The following TRIO variants were observed in gnomAD, a reference collection of about 807,000 sequenced individuals.
TRIO encodes triple functional domain protein.
A neutral mutation model predicts 351.9 loss-of-function variants in TRIO; 58 were observed. The ratio of observed to expected loss-of-function variants is 0.16; its 90% CI spans 0.13 to 0.21. TRIO has a LOEUF of 0.21. TRIO is among the 10% of genes least tolerant of loss of function. The pLI is 1.00. For synonymous variants in TRIO, 1,758 were observed against 1,595.7 expected (o/e 1.10, Z -2.42); for missense variants, 3,201 against 4,027.8 (o/e 0.79, Z 5.56).
intron 9 of TRIO, among the ~76,000 whole-genome samples, chr5:14,328,856 G>A (rs1207267782): frequency 1.3e-5 from 2 of 152,082 alleles, no homozygotes; most frequent in Non-Finnish European, 2.9e-5. Context: ...GACCAGGCTC[G>A]GCCTCCACCC....
At chr5:14,494,639 C>G (rs539881554) in intron 49 of TRIO, among the ~76,000 whole-genome samples, 24 of 152,256 alleles carry the variant, frequency 1.6e-4, no homozygotes, top group African/African-American at 5.8e-4. Flanking sequence ...TGGCTGACAC[C>G]CATCATCCCA....
At chr5:14,299,781 A>G (rs532916372) in intron 7 of TRIO, among the ~76,000 whole-genome samples, 2 of 152,180 alleles carry the variant, frequency 1.3e-5, no homozygotes, top group African/African-American at 2.4e-5. Flanking sequence ...GTTCATGTGG[A>G]ATTTAAATCT....
intron 19 of TRIO, among the ~76,000 whole-genome samples, chr5:14,377,766 G>A (rs774054650): frequency 3.3e-5 from 5 of 151,990 alleles, no homozygotes; most frequent in Non-Finnish European, 5.9e-5. Context: ...CCATCCAGCC[G>A]GAGGTATTAC....
chr5:14,191,956 A>C (rs1581317220), intron 1 of TRIO, among the ~76,000 whole-genome samples: 1 of 152,294 alleles, frequency 6.6e-6, no homozygotes, highest in East Asian at 1.9e-4. Context: ...TTTATACCAG[A>C]CAAATTAGGA....
intron 34 of TRIO, among the ~76,000 whole-genome samples, chr5:14,460,406 C>T (rs114773868): frequency 0.044 from 6,727 of 152,196 alleles, 220 homozygotes; most frequent in Middle Eastern, 0.095. Flanking sequence ...TTCCAGTCGC[C>T]GGCTTTGTCC....
chr5:14,194,977 A>C (rs996019450), intron 1 of TRIO, among the ~76,000 whole-genome samples: 4 of 152,142 alleles, frequency 2.6e-5, no homozygotes, highest in Admixed American at 6.5e-5. Context: ...ATTAAGGCAG[A>C]CATAATACTT....
intron 28 of TRIO, among the ~76,000 whole-genome samples, chr5:14,395,030 G>T (rs914832340): frequency 6.6e-6 from 1 of 152,162 alleles, no homozygotes; most frequent in African/African-American, 2.4e-5. Context: ...TCCAGGGACT[G>T]CCCTAGGCTC....
At chr5:14,323,552 G>A (rs1247647223) in intron 9 of TRIO, among the ~76,000 whole-genome samples, 1 of 152,176 alleles carries the variant, frequency 6.6e-6, no homozygotes, top group Non-Finnish European at 1.5e-5. Context: ...CTTTAGGAGG[G>A]AATCAATGGA....
Position 14,482,745 on chromosome 5 carries a change from C to G in TRIO, c.6629C>G (p.Pro2210Arg). The change falls in exon 46 of 57, where the codon CCG becomes CGG. Residue 2210 changes from proline (P) to arginine (R), a missense_variant. Around this residue, in one of 19 missense-constraint regions of TRIO, gnomAD observed 1,089 missense variants for 954.9 expected, o/e 1.14. Coordinates refer to ENST00000344204, the MANE Select transcript of TRIO (RefSeq NM_007118.4). Reference protein sequence around the residue: ...PLDKKKGFSMPGFLFKNSIKV... With the variant: ...PLDKKKGFSMRGFLFKNSIKV... ...GATAAAAAGAAGGGCTTCTCCATGC[C>G]GGGATTCCTGTTTAAGAACAGTATC... 6.2e-7 allele frequency: 1 copy of G among 1,604,674 alleles called. No individual in the cohort carries two copies. The highest frequency in any genetic ancestry group is 8.5e-7 in the Non-Finnish European group (1 of 1,174,646).
intron 1 of TRIO, among the ~76,000 whole-genome samples, chr5:14,203,572 T>C (rs1791271030): frequency 6.6e-6 from 1 of 152,240 alleles, no homozygotes; most frequent in Admixed American, 6.5e-5. Context: ...GGAAATGACC[T>C]TTTTATATTG....
At chr5:14,275,182 ATG>A (rs1455254666) in intron 2 of TRIO, among the ~76,000 whole-genome samples, 1 of 152,236 alleles carries the variant, frequency 6.6e-6, no homozygotes, top group Non-Finnish European at 1.5e-5. Context: ...GAATCTAAAA[ATG>A]TTAGTTCTTA....
intron 1 of TRIO, among the ~76,000 whole-genome samples, chr5:14,206,350 T>C (rs900516849): frequency 6.6e-6 from 1 of 152,238 alleles, no homozygotes; most frequent in Non-Finnish European, 1.5e-5. Context: ...CATGAGCCAC[T>C]GCACCTGGTC....
intron 36 of TRIO, among the ~76,000 whole-genome samples, chr5:14,464,461 AT>A (rs1168723921): frequency 6.6e-6 from 1 of 152,032 alleles, no homozygotes; most frequent in African/African-American, 2.4e-5. Flanking sequence ...CTCGTGACTA[AT>A]TTTTTGTTTT....
intron 26 of TRIO, among the ~76,000 whole-genome samples, chr5:14,390,660 G>A (rs753663108): frequency 3.3e-5 from 5 of 152,306 alleles, no homozygotes; most frequent in East Asian, 1.9e-4. Context: ...AGCTCTGCAC[G>A]CGTGACTGTG....
chr5:14,257,025 C>T (rs1795061443), intron 1 of TRIO, among the ~76,000 whole-genome samples: 3 of 152,156 alleles, frequency 2.0e-5, no homozygotes, highest in Non-Finnish European at 4.4e-5. Flanking sequence ...TGCCTCTGTG[C>T]CAAAGTAGAG....
At chr5:14,382,558 C>T (rs778619382) in intron 21 of TRIO, among the ~76,000 whole-genome samples, 68 of 152,300 alleles carry the variant, frequency 4.5e-4, no homozygotes, top group Non-Finnish European at 6.8e-4. Flanking sequence ...GGGCGCAGGA[C>T]CAGGGGACAG....
intron 1 of TRIO, among the ~76,000 whole-genome samples, chr5:14,193,994 T>G (rs1332321113): frequency 2.0e-5 from 3 of 152,190 alleles, no homozygotes; most frequent in Non-Finnish European, 2.9e-5. Flanking sequence ...TTCAGTATTC[T>G]CAGCAAGGAA....
chr5:14,272,032 T>C (rs1230186633), intron 2 of TRIO, among the ~76,000 whole-genome samples: 2 of 152,218 alleles, frequency 1.3e-5, no homozygotes, highest in East Asian at 3.8e-4. Flanking sequence ...GTGCTTTAAA[T>C]TGTTGGAAAT....
intron 11 of TRIO, among the ~76,000 whole-genome samples, chr5:14,357,586 G>T (rs956060286): frequency 6.6e-6 from 1 of 152,042 alleles, no homozygotes; most frequent in African/African-American, 2.4e-5. Flanking sequence ...CACTCTTTCC[G>T]TTGAAGGCCC....
Sources: allele counts gnomAD v4.1 joint callset (sites outside exome capture counted in the v4.1 genomes callset), GRCh38; gene constraint gnomAD v4.1.1; regional missense constraint gnomAD v4.1.1; transcripts MANE v1.5; gene names NCBI Gene and HGNC (gene_info 2026-07-23, HGNC 2026-07-21).